Variants in PECR observed in about 807,000 individuals in gnomAD.
PECR encodes the protein 2,4-dienoyl-CoA reductase-related protein.
Under a neutral mutation model 35.3 loss-of-function variants are expected in PECR, and 30 were observed. The observed-to-expected ratio is 0.85, with a 90% confidence interval of 0.64 to 1.15. PECR has a LOEUF of 1.15. Among genes scored for constraint, PECR ranks in the 50% most tolerant of loss-of-function variants. The pLI is 0.00. For synonymous variants in PECR, 148 were observed against 138.9 expected, an observed-to-expected ratio of 1.07 and a Z score of -0.46; for missense variants, 392 against 370.8, an observed-to-expected ratio of 1.06 and a Z score of -0.47.
rs911136689 is a variant in PECR, at chr2:216,055,915, C to G, written c.506+2980G>C. Among the ~76,000 whole-genome samples the G allele has an allele frequency of 2.6e-5, 4 of 152,208 alleles. No homozygotes were observed. In the South Asian group the frequency reaches 8.3e-4, roughly 31 times the overall value. ...TGTCTCAAATTTCTGTGTCTTTACA[C>G]AGTAAATGTCTCATTGACTTGCCTT... On this transcript the variant is annotated intron_variant, in intron 4 of 7. Coordinates refer to ENST00000265322, the MANE Select transcript of PECR (RefSeq NM_018441.6).
At chr2:216,050,397 C>T (rs919003919) in intron 5 of PECR, among the ~76,000 whole-genome samples, 3 of 152,150 alleles carry the variant, frequency 2.0e-5, no homozygotes, top group Non-Finnish European at 4.4e-5. Context: ...TTTCCAATTA[C>T]ATAATATGTT....
chr2:216,030,948 TCTCTCTCTCACACA>T (rs1410899395), intron 7 of PECR, among the ~76,000 whole-genome samples: 30 of 97,326 alleles, frequency 3.1e-4, no homozygotes, highest in African/African-American at 1.1e-3. Flanking sequence ...TCTCTCTCTC[TCTCTCTCTCACACA>T]CACACACACA....
chr2:216,050,376 A>C (rs1222081067), intron 5 of PECR, among the ~76,000 whole-genome samples: 1 of 152,214 alleles, frequency 6.6e-6, no homozygotes, highest in African/African-American at 2.4e-5. Flanking sequence ...GATACTGGAG[A>C]GATATATTGG....
At chr2:216,038,140 A>T (rs1694829053), downstream of PECR, among the ~76,000 whole-genome samples, 1 of 152,132 alleles carries the variant, frequency 6.6e-6, no homozygotes, top group African/African-American at 2.4e-5. Context: ...AAAAAAAGAA[A>T]ATAGCTACTT....
chr2:216,075,620 A>G (rs1348754572), intron 1 of PECR, among the ~76,000 whole-genome samples: 1 of 152,234 alleles, frequency 6.6e-6, no homozygotes, highest in Non-Finnish European at 1.5e-5. Flanking sequence ...AGAGATGCAG[A>G]AAGCTCAACT....
At chr2:216,065,505 A>G in intron 2 of PECR, 28 bp from the exon 3 acceptor site, 1 of 1,454,666 alleles carries the variant, frequency 6.9e-7, no homozygotes. Flanking sequence ...AAGTTACTAA[A>G]AGGAAAAGTT....
intron 7 of PECR, among the ~76,000 whole-genome samples, chr2:216,042,964 C>CACATACGTATATGTGTATATATATAT (rs1559207664): frequency 3.2e-5 from 3 of 94,008 alleles, no homozygotes; most frequent in South Asian, 3.1e-4. Flanking sequence ...TATATATATA[C>CACATACGTATATGTGTATATATATAT]ACATACGTAT....
chr2:216,066,113 G>A (rs1230504708), intron 2 of PECR, among the ~76,000 whole-genome samples: 2 of 152,174 alleles, frequency 1.3e-5, no homozygotes, highest in African/African-American at 2.4e-5. Context: ...AACAGAGGAA[G>A]ACTTTGTCTC....
At chr2:216,076,340 G>T (rs1192036283) in intron 1 of PECR, among the ~76,000 whole-genome samples, 1 of 152,046 alleles carries the variant, frequency 6.6e-6, no homozygotes, top group Non-Finnish European at 1.5e-5. Context: ...CTACAAGCAT[G>T]TGCCATGCCA....
At chr2:216,069,221 G>A (rs1276904882) in intron 1 of PECR, among the ~76,000 whole-genome samples, 1 of 152,180 alleles carries the variant, frequency 6.6e-6, no homozygotes, top group Admixed American at 6.5e-5. Flanking sequence ...AATAACAGAT[G>A]CACATCAAGA....
At chr2:216,058,838 C>A in intron 4 of PECR, 57 bp downstream of exon 4, 3 of 923,860 alleles carry the variant, frequency 3.2e-6, no homozygotes, top group East Asian at 2.4e-5. Context: ...ACATGCTTCC[C>A]CCAATCAGAA....
intron 4 of PECR, among the ~76,000 whole-genome samples, chr2:216,055,036 C>T (rs752685068): frequency 3.3e-5 from 5 of 150,568 alleles, no homozygotes; most frequent in Admixed American, 1.3e-4. Context: ...TGCTTGAACC[C>T]GGGAGGCGGA....
intron 7 of PECR, among the ~76,000 whole-genome samples, chr2:216,033,323 T>C (rs1694739394): frequency 6.6e-6 from 1 of 152,154 alleles, no homozygotes; most frequent in Non-Finnish European, 1.5e-5. Context: ...CATTATCACG[T>C]TGAATAAAAT....
At chr2:216,040,875 A>T (rs1694875265) in intron 7 of PECR, among the ~76,000 whole-genome samples, 1 of 152,182 alleles carries the variant, frequency 6.6e-6, no homozygotes, top group South Asian at 2.1e-4. Flanking sequence ...CTGTCTCAAA[A>T]AAAAAGAAAA....
chr2:216,030,428 A>G (rs1694662230), intron 7 of PECR, among the ~76,000 whole-genome samples: 1 of 152,322 alleles, frequency 6.6e-6, no homozygotes, highest in East Asian at 1.9e-4. Context: ...GGTAATAATG[A>G]AACTACCTCA....
chr2:216,072,564 CT>C (rs1360704469), intron 1 of PECR, among the ~76,000 whole-genome samples: 3 of 152,260 alleles, frequency 2.0e-5, no homozygotes, highest in Admixed American at 6.5e-5. Context: ...TGTTATTCTA[CT>C]CTGTATGTCC....
chr2:216,031,648 AAAGAAAG>A (rs1176236442), intron 7 of PECR, among the ~76,000 whole-genome samples: 3 of 25,118 alleles, frequency 1.2e-4, no homozygotes, highest in Non-Finnish European at 2.6e-4. Context: ...AGGAAGAAGA[AAAGAAAG>A]AAAGAAAGAA....
chr2:216,050,654 G>A (rs751733545), intron 5 of PECR: 2 of 152,516 alleles, frequency 1.3e-5, no homozygotes, highest in South Asian at 2.1e-4. Context: ...TGTAATCCCA[G>A]TACTTTGGGA....
chr2:216,081,415 G>A (rs1366676978), intron 1 of PECR, among the ~76,000 whole-genome samples: 3 of 152,186 alleles, frequency 2.0e-5, no homozygotes, highest in Non-Finnish European at 4.4e-5. Flanking sequence ...GGTCTCTTCA[G>A]TTTTTAACGA....
Sources: gnomAD v4.1 joint callset for allele counts (sites outside exome capture counted in the v4.1 genomes callset) on GRCh38, gnomAD v4.1.1 for gene constraint, MANE v1.5 for transcripts, NCBI Gene and HGNC (gene_info 2026-07-23, HGNC 2026-07-21) for gene names.